Variants in HIP1 observed in about 807,000 individuals in gnomAD.
HIP1 encodes the protein huntingtin-interacting protein 1.
A neutral mutation model predicts 147.6 loss-of-function variants in HIP1; 65 were observed. The ratio of observed to expected loss-of-function variants is 0.44; its 90% CI spans 0.36 to 0.54. The LOEUF (loss-of-function observed/expected upper bound fraction) is 0.54, where lower values mean the gene tolerates loss of function less well. HIP1 is among the 20% of genes least tolerant of loss of function. The pLI is 0.00. For synonymous variants in HIP1, 479 were observed against 504.0 expected (o/e 0.95, Z 0.67); for missense variants, 1,061 against 1,299.6 (o/e 0.82, Z 2.82).
chr7:75,616,159 C>CAAGT (rs1797654715), intron 1 of HIP1, among the ~76,000 whole-genome samples: 1 of 148,008 alleles, frequency 6.8e-6, no homozygotes, highest in Admixed American at 6.8e-5. Context: ...TATCTCGTAA[C>CAAGT]ATCGTCCTAG....
At chr7:75,595,946 TA>T (rs1192648973) in intron 2 of HIP1, among the ~76,000 whole-genome samples, 4 of 152,076 alleles carry the variant, frequency 2.6e-5, no homozygotes, top group Non-Finnish European at 5.9e-5. Flanking sequence ...GACCTGATAA[TA>T]GATAAATGCG....
chr7:75,615,290 C>T (rs1381325770), intron 1 of HIP1, among the ~76,000 whole-genome samples: 2 of 151,920 alleles, frequency 1.3e-5, no homozygotes, highest in African/African-American at 2.4e-5. Context: ...TGTGGCAGCT[C>T]ATGCCTGGAA....
At chr7:75,696,207 C>T (rs1800628564) in intron 1 of HIP1, among the ~76,000 whole-genome samples, 1 of 151,394 alleles carries the variant, frequency 6.6e-6, no homozygotes, top group South Asian at 2.1e-4. Context: ...AGGCTGGTCT[C>T]GAACTCCTGG....
intron 23 of HIP1, among the ~76,000 whole-genome samples, chr7:75,548,088 G>A (rs1794639622): frequency 6.6e-6 from 1 of 152,132 alleles, no homozygotes; most frequent in African/African-American, 2.4e-5. Context: ...GGAGTGAGCG[G>A]TACGATCTCG....
intron 16 of HIP1, among the ~76,000 whole-genome samples, chr7:75,557,060 C>T (rs587602630): frequency 6.5e-5 from 7 of 107,240 alleles, no homozygotes; most frequent in South Asian, 2.8e-4. Flanking sequence ...ATTTTTGAGA[C>T]GGAGTCTCGC....
At chr7:75,723,198 C>T (rs1554521910) in intron 1 of HIP1, among the ~76,000 whole-genome samples, 2 of 152,026 alleles carry the variant, frequency 1.3e-5, no homozygotes, top group Non-Finnish European at 2.9e-5. Flanking sequence ...ACACCCCATC[C>T]CATCTCTACT....
chr7:75,672,830 T>C (rs181565172), intron 1 of HIP1, among the ~76,000 whole-genome samples: 1 of 152,264 alleles, frequency 6.6e-6, no homozygotes, highest in East Asian at 1.9e-4. Context: ...TTCTGATCCA[T>C]TTGGAGTTAA....
intron 1 of HIP1, among the ~76,000 whole-genome samples, chr7:75,721,544 G>C (rs976135337): frequency 6.6e-6 from 1 of 151,092 alleles, no homozygotes; most frequent in Non-Finnish European, 1.5e-5. Context: ...AAAAAAAAAA[G>C]TTTTTCTGGA....
chr7:75,594,964 G>A (rs1796633618), intron 2 of HIP1, among the ~76,000 whole-genome samples: 1 of 152,148 alleles, frequency 6.6e-6, no homozygotes, highest in South Asian at 2.1e-4. Flanking sequence ...CGGAACTTTA[G>A]GCTTTACTCA....
intron 1 of HIP1, among the ~76,000 whole-genome samples, chr7:75,617,995 G>A (rs1202116676): frequency 6.6e-6 from 1 of 152,212 alleles, no homozygotes; most frequent in African/African-American, 2.4e-5. Context: ...CTTTCGTAAT[G>A]GCCCTGGCCA....
intron 1 of HIP1, among the ~76,000 whole-genome samples, chr7:75,736,012 C>T (rs1361507831): frequency 1.3e-5 from 2 of 151,572 alleles, no homozygotes; most frequent in African/African-American, 2.4e-5. Context: ...GTGGGAAGAT[C>T]GCTTGAGGCT....
At chr7:75,589,206 G>GAAATTGAAA (rs1796394245) in intron 4 of HIP1, among the ~76,000 whole-genome samples, 1 of 151,426 alleles carries the variant, frequency 6.6e-6, no homozygotes, top group African/African-American at 2.4e-5. Flanking sequence ...TGTACTAAAT[G>GAAATTGAAA]AAATTGAAAA....
At chr7:75,711,400 A>C (rs1391894943) in intron 1 of HIP1, among the ~76,000 whole-genome samples, 3 of 152,174 alleles carry the variant, frequency 2.0e-5, no homozygotes, top group Non-Finnish European at 4.4e-5. Context: ...ATAACAAAGG[A>C]GGAAAAAAAG....
chr7:75,585,259 G>A (rs1043423686), intron 5 of HIP1, among the ~76,000 whole-genome samples: 7 of 143,962 alleles, frequency 4.9e-5, no homozygotes, highest in Non-Finnish European at 7.6e-5. Context: ...ATCTCGGCTC[G>A]CTGCAACCTC....
intron 1 of HIP1, among the ~76,000 whole-genome samples, chr7:75,641,059 C>T (rs186075328): frequency 6.5e-4 from 99 of 152,128 alleles, no homozygotes; most frequent in African/African-American, 2.3e-3. Context: ...CTAATCCCAG[C>T]ACTTTGGGAG....
chr7:75,721,927 G>C (rs73145057), intron 1 of HIP1, among the ~76,000 whole-genome samples: 2 of 152,180 alleles, frequency 1.3e-5, no homozygotes, highest in Non-Finnish European at 2.9e-5. Context: ...GCCTAACAAG[G>C]GCCAGGTGTC....
intron 27 of HIP1, 72 bp downstream of exon 27, chr7:75,544,623 G>A (rs1186754180): frequency 9.8e-6 from 9 of 915,696 alleles, no homozygotes; most frequent in Non-Finnish European, 1.3e-5. Context: ...ACGCAGCCAA[G>A]TACTCTTTAA....
chr7:75,587,716 C>A (rs1197768997), intron 4 of HIP1, among the ~76,000 whole-genome samples: 1 of 152,134 alleles, frequency 6.6e-6, no homozygotes, highest in Non-Finnish European at 1.5e-5. Context: ...GTAATCCCAG[C>A]ACTTTGGGAG....
At position 75,553,507 on chromosome 7, in the gene HIP1, A is replaced by G; in HGVS notation, c.2241T>C (p.Asn747=). The change falls in exon 22 of 31, where the codon AAT becomes AAC. Residue 747 remains asparagine, a synonymous_variant. Transcript: ENST00000336926. ...AGTTCCTCATGGCTGTGCTGTCGGC[A>G]TTCTCAAGGCTTCCCTCTTCCTCCA... The part of the protein sequence containing the change: ...ASLEEEGSLE[N]ADSTAMRNCL... 1 of 1,614,156 alleles carries G rather than the reference A, an allele frequency of 6.2e-7. No homozygotes were observed. Among genetic ancestry groups the G allele is most frequent in the South Asian group, 1.1e-5 (1 of 91,082 alleles).
Sources: gnomAD v4.1 joint callset for allele counts (sites outside exome capture counted in the v4.1 genomes callset) on GRCh38, gnomAD v4.1.1 for gene constraint, MANE v1.5 for transcripts, NCBI Gene and HGNC (gene_info 2026-07-23, HGNC 2026-07-21) for gene names.